Variants in ASCC1 observed in about 807,000 individuals in gnomAD.
ASCC1 encodes the protein ASC-1 complex subunit P50.
In ASCC1, 35 loss-of-function variants were observed where a neutral mutation model predicts 46.6. The observed-to-expected ratio is 0.75, with a 90% CI of 0.57 to 0.99. The LOEUF is 0.99. ASCC1 is among the 50% of genes least tolerant of loss of function. The probability of loss-of-function intolerance (pLI) is 0.00; values close to 1 mark genes in which losing one functional copy is unlikely to be tolerated. For synonymous variants in ASCC1, 143 were observed against 146.6 expected (o/e 0.98, Z 0.18); for missense variants, 376 against 428.7 (o/e 0.88, Z 1.09).
intron 5 of ASCC1, among the ~76,000 whole-genome samples, chr10:72,164,763 C>T (rs1850132464): frequency 6.6e-6 from 1 of 152,178 alleles, no homozygotes; most frequent in South Asian, 2.1e-4. Context: ...TGTATGAAGG[C>T]TCCTGTTTCC....
intron 8 of ASCC1, among the ~76,000 whole-genome samples, chr10:72,129,407 C>T (rs1004191782): frequency 7.2e-5 from 11 of 152,132 alleles, no homozygotes; most frequent in East Asian, 3.8e-4. Context: ...TGGTGGCTCA[C>T]GTCTGTAATC....
rs183962263 is a variant in ASCC1 at position 72,152,740 on chromosome 10, A to G, written c.746+129T>C. 983 of 1,147,416 alleles carry G rather than the reference A, an allele frequency of 8.6e-4. 9 individuals are homozygous for G. The South Asian group carries it at 0.012, about 14-fold the overall frequency. 71.1% of individuals were successfully genotyped at this position (1,147,416 alleles called of 1,614,324 possible). A position where few individuals can be genotyped will look rare whatever the true frequency, so the allele number is the denominator to read the frequency against. ...AGAGATTAACTTACTATTAAAAAAA[A>G]AGAGAGAGAAATAATTAACATGTTC... On this transcript the variant is annotated intron_variant, in intron 7 of 9. Coordinates refer to ENST00000672957, the MANE Select transcript of ASCC1 (RefSeq NM_001198800.3).
intron 3 of ASCC1, chr10:72,204,283 A>G (rs754185026): frequency 1.6e-4 from 151 of 967,968 alleles, no homozygotes; most frequent in Non-Finnish European, 2.2e-4. Flanking sequence ...TTTTTTCAAT[A>G]GAAAAATTAG....
chr10:72,191,337 T>A (rs1854467213), intron 5 of ASCC1, among the ~76,000 whole-genome samples: 1 of 151,798 alleles, frequency 6.6e-6, no homozygotes, highest in Non-Finnish European at 1.5e-5. Context: ...AGTGCTGGGA[T>A]TACAGGCATG....
intron 5 of ASCC1, chr10:72,190,053 GT>G (rs900395321): frequency 9.2e-6 from 7 of 758,890 alleles, no homozygotes; most frequent in Middle Eastern, 2.9e-4. Flanking sequence ...GCCCTCCACA[GT>G]GCTCCCCACC....
Position 72,201,052 on chromosome 10 carries a change from T to C in ASCC1, c.310+2375A>G, listed in dbSNP as rs200743399. Among the ~76,000 whole-genome samples the C allele has an allele frequency of 2.3e-4, 35 of 152,320 alleles. No homozygotes were observed. In the East Asian group the frequency reaches 6.2e-3, roughly 27 times the overall value. On this transcript the variant is annotated intron_variant, in intron 4 of 9. Transcript: ENST00000672957. Reference sequence around the variant, plus strand: ...CGTGCGGCTCCTGTGCTACACTGCATGGATATAGAACATTCTCATCAACAC... The same window carrying C: ...CGTGCGGCTCCTGTGCTACACTGCACGGATATAGAACATTCTCATCAACAC...
chr10:72,157,852 A>T (rs1021751841), intron 6 of ASCC1, among the ~76,000 whole-genome samples: 1 of 152,220 alleles, frequency 6.6e-6, no homozygotes, highest in Non-Finnish European at 1.5e-5. Context: ...TTTGTAATTT[A>T]GTTCAAGTAC....
chr10:72,102,542 A>T, intron 9 of ASCC1: 1 of 707,888 alleles, frequency 1.4e-6, no homozygotes, highest in Non-Finnish European at 2.5e-6. Context: ...TTGCAAATAC[A>T]TGTATTTCCT....
intron 7 of ASCC1, among the ~76,000 whole-genome samples, chr10:72,135,033 T>C (rs1564627066): frequency 6.6e-6 from 1 of 152,150 alleles, no homozygotes; most frequent in Non-Finnish European, 1.5e-5. Context: ...GAGAAACGAA[T>C]ACCTGGGGAA....
intron 3 of ASCC1, among the ~76,000 whole-genome samples, chr10:72,208,112 G>A (rs1376439870): frequency 3.9e-5 from 6 of 152,030 alleles, no homozygotes; most frequent in African/African-American, 1.4e-4. Flanking sequence ...TTACAGGTAT[G>A]AGCCACCACA....
intron 5 of ASCC1, among the ~76,000 whole-genome samples, chr10:72,195,834 C>CGAA (rs1855341772): frequency 7.8e-6 from 1 of 127,996 alleles, no homozygotes; most frequent in Admixed American, 7.9e-5. Context: ...AACGCTGTCT[C>CGAA]AAAAAAAAAA....
At position 72,158,925 on chromosome 10, in the gene ASCC1, C is replaced by T. The variant is rs1425559415; in HGVS notation, c.626+2613G>A. 2.0e-5 allele frequency: 3 copies of T among 152,120 alleles called. No individual in the cohort carries two copies. The East Asian group carries it at 5.8e-4, about 29-fold the overall frequency. 9.4% of individuals were successfully genotyped at this position (152,120 alleles called of 1,614,324 possible). On this transcript the variant is annotated intron_variant, in intron 6 of 9. Coordinates refer to ENST00000672957, the MANE Select transcript of ASCC1 (RefSeq NM_001198800.3). The stretch of plus-strand genomic sequence containing the variant: ...AAAGAGCAAGAAAAAATTCGATGAT[C>T]CAATTTACTGATTTACTTACCAGAG...
chr10:72,189,196 C>A (rs1254367800), intron 5 of ASCC1, among the ~76,000 whole-genome samples: 1 of 150,844 alleles, frequency 6.6e-6, no homozygotes, highest in African/African-American at 2.4e-5. Flanking sequence ...GTCAGGAGAT[C>A]GAGACCATTC....
intron 7 of ASCC1, among the ~76,000 whole-genome samples, chr10:72,152,546 C>T (rs1434576616): frequency 6.6e-6 from 1 of 152,128 alleles, no homozygotes; most frequent in African/African-American, 2.4e-5. Flanking sequence ...GTAGCTACCA[C>T]ATTAGCCTGG....
chr10:72,149,437 CAAAAAAAAA>C (rs11297879), intron 7 of ASCC1, among the ~76,000 whole-genome samples: 12 of 52,694 alleles, frequency 2.3e-4, no homozygotes, highest in Non-Finnish European at 4.4e-4. Flanking sequence ...GACTCCGTCA[CAAAAAAAAA>C]AAAAAAAAAA....
chr10:72,164,303 G>A (rs1481803987), intron 5 of ASCC1, among the ~76,000 whole-genome samples: 1 of 151,916 alleles, frequency 6.6e-6, no homozygotes, highest in Non-Finnish European at 1.5e-5. Context: ...CTTTCTCCAT[G>A]CCCCATCCCC....
Position 72,213,274 on chromosome 10 carries a change from T to C in ASCC1, c.25A>G (p.Ile9Val), listed in dbSNP as rs148474145. The change falls in exon 2 of 10, where the codon ATA (isoleucine) becomes GTA (valine). Residue 9 changes from isoleucine to valine, a missense_variant. Coordinates refer to ENST00000672957, the MANE Select transcript of ASCC1 (RefSeq NM_001198800.3). Reference protein sequence around the residue: MEVLRPQLIRIDGRNYRKN... With the variant: MEVLRPQLVRIDGRNYRKN... ...CTGTAATTCCGGCCATCAATTCTTA[T>C]AAGCTGTGGACGCAGAACTTCCATG... 3.1e-6 allele frequency: 5 copies of C among 1,613,760 alleles called. No individual in the cohort carries two copies. The African/African-American group carries it at 4.0e-5, about 13-fold the overall frequency.
At chr10:72,195,755 A>T (rs1855320537) in intron 5 of ASCC1, among the ~76,000 whole-genome samples, 1 of 151,076 alleles carries the variant, frequency 6.6e-6, no homozygotes, top group Admixed American at 6.6e-5. Flanking sequence ...AATTGCTTGA[A>T]CCCGGGATGC....
intron 5 of ASCC1, among the ~76,000 whole-genome samples, chr10:72,177,558 G>A (rs1852009501): frequency 6.6e-6 from 1 of 152,138 alleles, no homozygotes; most frequent in African/African-American, 2.4e-5. Context: ...ACTGATTCAG[G>A]TTCTCTAGGC....
Sources: allele counts gnomAD v4.1 joint callset (sites outside exome capture counted in the v4.1 genomes callset), GRCh38; gene constraint gnomAD v4.1.1; transcripts MANE v1.5; gene names NCBI Gene and HGNC (gene_info 2026-07-23, HGNC 2026-07-21).